Variants in MAN2A1 observed in about 807,000 individuals in gnomAD.
The protein encoded by MAN2A1 is alpha-mannosidase 2.
Under a neutral mutation model 142.6 loss-of-function variants are expected in MAN2A1, and 76 were observed. That is an observed-to-expected ratio of 0.53 (90% CI 0.44 to 0.65). MAN2A1 has a LOEUF of 0.65. Among genes scored for constraint, MAN2A1 ranks in the 30% least tolerant of loss-of-function variants. The pLI, the probability that MAN2A1 is intolerant of heterozygous loss-of-function variation, is 0.00. For missense variants in MAN2A1, 1,311 were observed against 1,365.1 expected, an observed-to-expected ratio of 0.96 and a Z score of 0.62; for synonymous variants, 559 against 473.2, an observed-to-expected ratio of 1.18 and a Z score of -2.35.
At chr5:109,823,685 C>T in intron 15 of MAN2A1, 38 bp from the exon 16 acceptor site, 1 of 1,072,570 alleles carries the variant, frequency 9.3e-7, no homozygotes, top group Non-Finnish European at 1.4e-6. Context: ...AGTTTGGAAG[C>T]CAAAATATTT....
At chr5:109,847,608 TATTAA>T in intron 18 of MAN2A1, 44 bp from the exon 19 acceptor site, 1 of 1,406,638 alleles carries the variant, frequency 7.1e-7, no homozygotes, top group South Asian at 1.7e-5. Flanking sequence ...TGAATGTCAG[TATTAA>T]ATTATTCTGG....
chr5:109,865,846 C>A (rs1364222982), intron 21 of MAN2A1, among the ~76,000 whole-genome samples: 1 of 152,214 alleles, frequency 6.6e-6, no homozygotes, highest in African/African-American at 2.4e-5. Flanking sequence ...AACCTCCAAT[C>A]TCCTGCCTCT....
intron 17 of MAN2A1, among the ~76,000 whole-genome samples, chr5:109,843,236 C>G (rs1028457850): frequency 6.6e-6 from 1 of 152,116 alleles, no homozygotes; most frequent in Non-Finnish European, 1.5e-5. Context: ...AACTTACAAT[C>G]GTAGAGGAAG....
chr5:109,726,041 G>A (rs1359065375), intron 3 of MAN2A1, among the ~76,000 whole-genome samples: 1 of 152,134 alleles, frequency 6.6e-6, no homozygotes, highest in Non-Finnish European at 1.5e-5. Flanking sequence ...GGTGGTAATA[G>A]TGTTAGAATG....
intron 5 of MAN2A1, among the ~76,000 whole-genome samples, chr5:109,755,947 A>G (rs1752677633): frequency 6.6e-6 from 1 of 151,890 alleles, no homozygotes; most frequent in East Asian, 1.9e-4. Flanking sequence ...GGTGAGTAAG[A>G]TGGCTCTAGG....
At chr5:109,861,010 T>TATCTATGAGTA in intron 20 of MAN2A1, among the ~76,000 whole-genome samples, 1 of 152,164 alleles carries the variant, frequency 6.6e-6, no homozygotes, top group African/African-American at 2.4e-5. Flanking sequence ...TGAGCACAAA[T>TATCTATGAGTA]TCATAGCTAG....
chr5:109,724,426 T>A (rs1751688899), intron 3 of MAN2A1, among the ~76,000 whole-genome samples: 2 of 151,788 alleles, frequency 1.3e-5, no homozygotes, highest in African/African-American at 2.4e-5. Context: ...AATCTAAAAT[T>A]AAAAAAAAGA....
chr5:109,772,725 G>A (rs188354611), intron 7 of MAN2A1, among the ~76,000 whole-genome samples: 104 of 152,204 alleles, frequency 6.8e-4, no homozygotes, highest in African/African-American at 2.4e-3. Context: ...GCCCAGGATG[G>A]TCTTGAACTC....
At position 109,763,616 on chromosome 5, in the gene MAN2A1, C is replaced by T. The variant is rs574108054; in HGVS notation, c.836-3919C>T. 4.0e-5 allele frequency among the ~76,000 whole-genome samples: 6 copies of T among 151,730 alleles called. 1 individual carries two copies. In the South Asian group the frequency reaches 1.0e-3, roughly 26 times the overall value. Reference sequence around the variant, plus strand: ...CATGTGCCATGCTGGTGTGCTGCACCCATGTAGGGACATGGATGAAATTGG... The same window carrying T: ...CATGTGCCATGCTGGTGTGCTGCACTCATGTAGGGACATGGATGAAATTGG... On this transcript the variant is annotated intron_variant, in intron 5 of 21. Coordinates refer to ENST00000261483, the MANE Select transcript of MAN2A1 (RefSeq NM_002372.4).
intron 1 of MAN2A1, among the ~76,000 whole-genome samples, chr5:109,697,201 A>C (rs1331551541): frequency 6.6e-6 from 1 of 152,228 alleles, no homozygotes. Flanking sequence ...AAATGTCTGC[A>C]GTTTTCTCAG....
At chr5:109,816,385 C>A (rs951450345) in intron 12 of MAN2A1, among the ~76,000 whole-genome samples, 11 of 152,134 alleles carry the variant, frequency 7.2e-5, no homozygotes, top group Admixed American at 5.9e-4. Flanking sequence ...GCAAATATTG[C>A]CTAAACTTAT....
At chr5:109,747,587 T>TG (rs1364794311) in intron 4 of MAN2A1, among the ~76,000 whole-genome samples, 1 of 152,058 alleles carries the variant, frequency 6.6e-6, no homozygotes, top group Non-Finnish European at 1.5e-5. Context: ...AACAAAGAGC[T>TG]GGGGGGAGAG....
chr5:109,738,244 T>C (rs1752163146), intron 4 of MAN2A1, among the ~76,000 whole-genome samples: 1 of 151,146 alleles, frequency 6.6e-6, no homozygotes, highest in African/African-American at 2.4e-5. Context: ...TTTTTTTTTT[T>C]TTTTTTTCCA....
chr5:109,753,469 C>G (rs1228004649), intron 4 of MAN2A1, among the ~76,000 whole-genome samples: 1 of 152,140 alleles, frequency 6.6e-6, no homozygotes, highest in South Asian at 2.1e-4. Flanking sequence ...TATTGTGTTT[C>G]TTTAGACATT....
At chr5:109,775,832 T>C (rs1250375131) in intron 8 of MAN2A1, among the ~76,000 whole-genome samples, 1 of 152,160 alleles carries the variant, frequency 6.6e-6, no homozygotes. Flanking sequence ...AAAAAACAAT[T>C]CTTTTAACAC....
In MAN2A1 at chr5:109,868,784, A is replaced by G. The variant is rs1045351064; in HGVS notation, c.*1786A>G. The G allele has an allele frequency of 6.6e-6, 1 of 152,188 alleles. No homozygotes were observed. The highest frequency in any genetic ancestry group is 1.5e-5 in the Non-Finnish European group (1 of 68,030). 9.4% of individuals were successfully genotyped at this position (152,188 alleles called of 1,614,324 possible). A position where few individuals can be genotyped will look rare whatever the true frequency, so the allele number is the denominator to read the frequency against. Reference sequence around the variant, plus strand: ...AAGAAAAAGGACTTCCTTTTTGTGGACATCTACAGATGTTAGGGTTGCCAG... The same window carrying G: ...AAGAAAAAGGACTTCCTTTTTGTGGGCATCTACAGATGTTAGGGTTGCCAG... On this transcript the variant is annotated 3_prime_UTR_variant, in exon 22 of 22. Coordinates refer to ENST00000261483, the MANE Select transcript of MAN2A1 (RefSeq NM_002372.4).
In MAN2A1 at chr5:109,755,506, C is replaced by T. The variant is rs187410781; in HGVS notation, c.835+50C>T. ...TGGGCTATTTTGGACAGTTAATTTT[C>T]GGGATGTGAAGTGAGGCTCTGTTCT... is the stretch of plus-strand genomic sequence containing the variant. On this transcript the variant is annotated intron_variant, in intron 5 of 21. Transcript: ENST00000261483. 2,124 of 1,490,374 alleles carry T rather than the reference C, an allele frequency of 1.4e-3. 2 individuals carry two copies. The highest frequency in any genetic ancestry group is 1.6e-3 in the Non-Finnish European group (1,783 of 1,087,032). 92.3% of individuals were successfully genotyped at this position (1,490,374 alleles called of 1,614,324 possible).
In MAN2A1 at chr5:109,823,707, A is replaced by G. The variant is rs367771260; in HGVS notation, c.2452-16A>G. The G allele has an allele frequency of 3.8e-6, 5 of 1,301,128 alleles. No homozygotes were observed. The African/African-American group carries it at 7.3e-5, about 19-fold the overall frequency. The allele number at this position is 1,301,128 out of a possible 1,614,324, so 80.6% of individuals were successfully genotyped here. A position where few individuals can be genotyped will look rare whatever the true frequency, so the allele number is the denominator to read the frequency against. ...AAGCCAAAATATTTTTCTTAAATATATTATTTTCTTTTCAGCCTTATGTTT... is the reference window on the plus strand; with the variant it reads ...AAGCCAAAATATTTTTCTTAAATATGTTATTTTCTTTTCAGCCTTATGTTT... On this transcript the variant is annotated splice_polypyrimidine_tract_variant and intron_variant, in intron 15 of 21. Transcript: ENST00000261483.
intron 8 of MAN2A1, among the ~76,000 whole-genome samples, 178 bp from the exon 9 acceptor site, chr5:109,781,217 TA>T (rs201422046): frequency 2.0e-5 from 3 of 151,322 alleles, no homozygotes; most frequent in Non-Finnish European, 3.0e-5. Flanking sequence ...TTAATGTAAG[TA>T]AAAAAAAAGT....
Sources: gnomAD v4.1 joint callset for allele counts (sites outside exome capture counted in the v4.1 genomes callset) on GRCh38, gnomAD v4.1.1 for gene constraint, MANE v1.5 for transcripts, NCBI Gene and HGNC (gene_info 2026-07-23, HGNC 2026-07-21) for gene names.